The following INPP4B variants were observed in gnomAD, a reference collection of about 807,000 sequenced individuals.
INPP4B encodes the protein inositol polyphosphate 4-phosphatase type II.
INPP4B carries 55 observed loss-of-function variants against 122.5 expected under a neutral mutation model. The ratio of observed to expected loss-of-function variants is 0.45; its 90% confidence interval spans 0.36 to 0.56. The LOEUF (loss-of-function observed/expected upper bound fraction) is 0.56. INPP4B is among the 20% of genes least tolerant of loss of function. The pLI, the probability that INPP4B is intolerant of heterozygous loss-of-function variation, is 0.00. For missense variants in INPP4B, 1,000 were observed against 1,097.7 expected, an observed-to-expected ratio of 0.91 and a Z score of 1.26; for synonymous variants, 403 against 388.7, an observed-to-expected ratio of 1.04 and a Z score of -0.43.
intron 14 of INPP4B, among the ~76,000 whole-genome samples, chr4:142,207,834 A>G (rs1270115251): frequency 1.3e-5 from 2 of 152,152 alleles, no homozygotes; most frequent in Non-Finnish European, 2.9e-5. Flanking sequence ...GATTATGTAG[A>G]ATGGTAGTAA....
chr4:142,302,668 T>C (rs1029198018), intron 9 of INPP4B, among the ~76,000 whole-genome samples: 3 of 152,138 alleles, frequency 2.0e-5, no homozygotes, highest in African/African-American at 4.8e-5. Context: ...ATCATTCTTA[T>C]AATATTATCA....
intron 14 of INPP4B, 50 bp from the exon 15 acceptor site, chr4:142,193,245 C>T (rs775598101): frequency 4.0e-5 from 43 of 1,064,424 alleles, no homozygotes; most frequent in Admixed American, 5.3e-5. Flanking sequence ...CATTTATCTC[C>T]GTCATGCTGT....
At chr4:142,167,441 T>C (rs1408075304) in intron 16 of INPP4B, among the ~76,000 whole-genome samples, 2 of 151,714 alleles carry the variant, frequency 1.3e-5, no homozygotes, top group African/African-American at 2.4e-5. Flanking sequence ...AGCTAATGCA[T>C]GCAGTGTTTA....
At chr4:142,488,947 T>G (rs1348575576) in intron 2 of INPP4B, among the ~76,000 whole-genome samples, 1 of 152,140 alleles carries the variant, frequency 6.6e-6, no homozygotes, top group Non-Finnish European at 1.5e-5. Context: ...GAAAACTTAG[T>G]TAACTAATAT....
intron 19 of INPP4B, among the ~76,000 whole-genome samples, chr4:142,123,852 G>A (rs1432262650): frequency 6.6e-6 from 1 of 152,158 alleles, no homozygotes; most frequent in Non-Finnish European, 1.5e-5. Flanking sequence ...TTAGCTTCAT[G>A]TGCCACTGGA....
In INPP4B at chr4:142,602,966, C is replaced by T. The variant is rs141152112; in HGVS notation, c.-191+122873G>A. 3.8e-3 allele frequency among the ~76,000 whole-genome samples: 571 copies of T among 152,084 alleles called. 2 individuals are homozygous for T. Among genetic ancestry groups the T allele is most frequent in the African/African-American group, 0.013 (546 of 41,464 alleles). ...CAAAGACATGAATCGACCTAAAAGC[C>T]CATCAATGATAGACTGGACAAAGAA... On this transcript the variant is annotated intron_variant, in intron 2 of 25. Transcript: ENST00000262992.
chr4:142,806,813 A>AAGAAAGAAAGAT (rs1778893838), intron 1 of INPP4B, among the ~76,000 whole-genome samples: 1 of 149,442 alleles, frequency 6.7e-6, no homozygotes, highest in African/African-American at 2.5e-5. Context: ...GAAAGAAAGA[A>AAGAAAGAAAGAT]AGAAAGAAAG....
At position 142,663,477 on chromosome 4, in the gene INPP4B, G is replaced by A. The variant is rs548584302; in HGVS notation, c.-191+62362C>T. ...ATAGAAGTTTAGAAACAAAATGAGA[G>A]ATAAGAATTAAATGGATGACATCTT... On this transcript the variant is annotated intron_variant, in intron 2 of 25. Coordinates refer to ENST00000262992, the MANE Select transcript of INPP4B (RefSeq NM_001101669.3). Among the ~76,000 whole-genome samples the A allele has an allele frequency of 5.3e-5, 8 of 152,174 alleles. No individual in the cohort carries two copies. In the East Asian group the frequency reaches 1.5e-3, roughly 29 times the overall value.
Position 142,124,622 on chromosome 4 carries a change from AG to A in INPP4B, c.1858del (p.Leu620Ter). Reference sequence around the variant, plus strand: ...GAAGACGATGTCTCTTCTTAGCGTCAGCATCAGACACTGGGGCAAGCTGTAC... The same window carrying A: ...GAAGACGATGTCTCTTCTTAGCGTCACATCAGACACTGGGGCAAGCTGTAC... ...LAYSLPQCLM[L>X]TLRRDIVFSQ... On this transcript the variant is annotated frameshift_variant, in exon 19 of 26. Coordinates refer to ENST00000262992, the MANE Select transcript of INPP4B (RefSeq NM_001101669.3). LOFTEE classifies it high-confidence loss of function. 6.2e-7 allele frequency: 1 copy of A among 1,613,540 alleles called. No homozygotes were observed.
chr4:142,324,570 G>A (rs1771622256), intron 7 of INPP4B, among the ~76,000 whole-genome samples: 1 of 152,088 alleles, frequency 6.6e-6, no homozygotes, highest in Non-Finnish European at 1.5e-5. Flanking sequence ...TCTGCTGAGT[G>A]TTATGCCTGC....
chr4:142,562,973 A>G (rs1730795045), intron 2 of INPP4B, among the ~76,000 whole-genome samples: 1 of 152,208 alleles, frequency 6.6e-6, no homozygotes, highest in Non-Finnish European at 1.5e-5. Context: ...TTCAACACAC[A>G]AACTTAAGTC....
At chr4:142,582,225 T>C (rs919377091) in intron 2 of INPP4B, among the ~76,000 whole-genome samples, 3 of 151,448 alleles carry the variant, frequency 2.0e-5, no homozygotes, top group Admixed American at 6.6e-5. Context: ...CACAAATGGC[T>C]ATAGGTTGTA....
chr4:142,172,728 A>G (rs1056931776), intron 16 of INPP4B, among the ~76,000 whole-genome samples: 1 of 152,056 alleles, frequency 6.6e-6, no homozygotes, highest in Non-Finnish European at 1.5e-5. Context: ...ATGGACATAC[A>G]TAAGATCCAG....
intron 3 of INPP4B, among the ~76,000 whole-genome samples, chr4:142,434,071 T>C (rs999127094): frequency 6.6e-6 from 1 of 152,186 alleles, no homozygotes; most frequent in African/African-American, 2.4e-5. Flanking sequence ...ACAATAGTCT[T>C]TACCTCACAA....
intron 2 of INPP4B, among the ~76,000 whole-genome samples, chr4:142,502,134 C>T (rs141634881): frequency 5.5e-4 from 84 of 152,202 alleles, no homozygotes; most frequent in African/African-American, 1.8e-3. Flanking sequence ...TATATGTCCC[C>T]GAGTTGTTTT....
intron 12 of INPP4B, among the ~76,000 whole-genome samples, chr4:142,213,860 G>A (rs1035463932): frequency 1.1e-4 from 16 of 152,044 alleles, no homozygotes; most frequent in African/African-American, 3.6e-4. Context: ...TTTTATACCA[G>A]TGCAAGTTCT....
At chr4:142,054,744 A>C (rs746881308) in intron 25 of INPP4B, among the ~76,000 whole-genome samples, 41 of 152,110 alleles carry the variant, frequency 2.7e-4, no homozygotes, top group Admixed American at 6.6e-5. Context: ...ATCATGCTTA[A>C]ATACATCCAC....
Position 142,122,128 on chromosome 4 carries a change from C to T in INPP4B, c.2135G>A (p.Arg712Gln), listed in dbSNP as rs773508928. The T allele has an allele frequency of 1.9e-6, 3 of 1,593,738 alleles. No homozygotes were observed. The highest frequency in any genetic ancestry group is 2.3e-5 in the East Asian group (1 of 44,390). Residue 712 changes from arginine to glutamine, a missense_variant and splice_region_variant, in exon 21 of 26, where the codon CGA becomes CAA. Transcript: ENST00000262992. ...TCTTCAGGAAGTGAGCACTGCTTAC[C>T]GTCTTCCTGTTATAACTGGCAACAC... The part of the protein sequence containing the change: ...NDVLPVITGR[R>Q]EHYVVEVKLP...
At chr4:142,241,706 T>C (rs941734080) in intron 11 of INPP4B, among the ~76,000 whole-genome samples, 1 of 152,166 alleles carries the variant, frequency 6.6e-6, no homozygotes, top group Non-Finnish European at 1.5e-5. Flanking sequence ...CAAAGAGATA[T>C]CATAGGGATG....
Sources: allele counts gnomAD v4.1 joint callset (sites outside exome capture counted in the v4.1 genomes callset), GRCh38; gene constraint gnomAD v4.1.1; transcripts MANE v1.5; gene names NCBI Gene and HGNC (gene_info 2026-07-23, HGNC 2026-07-21).